The following FARP1 variants were observed in gnomAD, a reference collection of about 807,000 sequenced individuals.
FARP1 encodes FERM, ARH/RhoGEF and pleckstrin domain protein 1.
Under a neutral mutation model 128.8 loss-of-function variants are expected in FARP1, and 52 were observed. The observed-to-expected ratio is 0.40, with a 90% CI of 0.32 to 0.51. The LOEUF is 0.51. Among genes scored for constraint, FARP1 ranks in the 20% least tolerant of loss-of-function variants. The probability of loss-of-function intolerance (pLI) is 0.45; values close to 1 mark genes in which losing one functional copy is unlikely to be tolerated. For synonymous variants in FARP1, 580 were observed against 551.8 expected (o/e 1.05, Z -0.72); for missense variants, 1,333 against 1,367.9 (o/e 0.97, Z 0.40).
intron 13 of FARP1, chr13:98,397,169 G>C (rs1890581172): frequency 6.6e-6 from 1 of 152,188 alleles, no homozygotes; most frequent in South Asian, 2.1e-4. Flanking sequence ...TTGCTGGTTT[G>C]GTTTAGGTTT....
chr13:98,307,450 ATC>A (rs1473244010), intron 2 of FARP1, among the ~76,000 whole-genome samples: 1 of 151,650 alleles, frequency 6.6e-6, no homozygotes, highest in Non-Finnish European at 1.5e-5. Flanking sequence ...TGACTTGCCC[ATC>A]TCTGTCTCGT....
chr13:98,360,090 C>CTTTTT (rs55859311), intron 3 of FARP1, among the ~76,000 whole-genome samples: 44 of 104,590 alleles, frequency 4.2e-4, no homozygotes, highest in African/African-American at 9.1e-4. Context: ...GATTGTGTTG[C>CTTTTT]TTTTTTTTTT....
intron 2 of FARP1, among the ~76,000 whole-genome samples, chr13:98,291,636 T>G (rs1161613997): frequency 6.6e-6 from 1 of 152,136 alleles, no homozygotes; most frequent in Non-Finnish European, 1.5e-5. Context: ...TCTGAGCCCC[T>G]CAGCAAGATT....
At chr13:98,433,554 C>A (rs374569165) in intron 18 of FARP1, 1 of 152,228 alleles carries the variant, frequency 6.6e-6, no homozygotes, top group African/African-American at 2.4e-5. Context: ...CACAGTGAGA[C>A]CTTGTCTCTA....
At chr13:98,144,711 A>G (rs1368508589) in intron 1 of FARP1, among the ~76,000 whole-genome samples, 1 of 152,194 alleles carries the variant, frequency 6.6e-6, no homozygotes, top group Non-Finnish European at 1.5e-5. Flanking sequence ...TTTCTTATTC[A>G]GTCTGAACAA....
intron 1 of FARP1, among the ~76,000 whole-genome samples, chr13:98,185,941 G>A (rs576685560): frequency 1.3e-5 from 2 of 151,928 alleles, no homozygotes; most frequent in South Asian, 2.1e-4. Flanking sequence ...CAGGTGATCC[G>A]CCTGCCTCGG....
intron 1 of FARP1, among the ~76,000 whole-genome samples, 184 bp downstream of exon 1, chr13:98,143,676 A>C (rs936580825): frequency 1.3e-5 from 2 of 150,844 alleles, no homozygotes; most frequent in Admixed American, 1.3e-4. Context: ...GGGCCCGGGC[A>C]GCCCCGGCCA....
intron 2 of FARP1, among the ~76,000 whole-genome samples, chr13:98,302,934 T>A (rs941626817): frequency 4.0e-5 from 6 of 151,660 alleles, no homozygotes; most frequent in African/African-American, 1.5e-4. Context: ...AGGGAGGAGG[T>A]AGTGATGTGG....
intron 2 of FARP1, among the ~76,000 whole-genome samples, chr13:98,339,582 T>C (rs1887878214): frequency 6.6e-6 from 1 of 152,206 alleles, no homozygotes; most frequent in African/African-American, 2.4e-5. Context: ...ATACGGAGTT[T>C]CCTTACAACC....
chr13:98,163,482 C>T (rs1877025260), intron 1 of FARP1, among the ~76,000 whole-genome samples: 1 of 151,956 alleles, frequency 6.6e-6, no homozygotes, highest in South Asian at 2.1e-4. Flanking sequence ...AAAATTGCCC[C>T]TCCCCTTCAA....
chr13:98,172,327 G>T (rs545426029), intron 1 of FARP1, among the ~76,000 whole-genome samples: 1 of 151,916 alleles, frequency 6.6e-6, no homozygotes, highest in East Asian at 1.9e-4. Context: ...TGAAAATAGG[G>T]CGTCATGGGG....
At chr13:98,150,020 A>C (rs1481573521) in intron 1 of FARP1, among the ~76,000 whole-genome samples, 1 of 151,162 alleles carries the variant, frequency 6.6e-6, no homozygotes, top group East Asian at 1.9e-4. Flanking sequence ...TACAGTCTTG[A>C]GCCACCGCGC....
intron 2 of FARP1, among the ~76,000 whole-genome samples, chr13:98,318,632 T>C (rs1886847476): frequency 6.6e-6 from 1 of 152,208 alleles, no homozygotes; most frequent in Non-Finnish European, 1.5e-5. Flanking sequence ...TTTCCAGGGC[T>C]GCCGCACTTT....
rs761873715 is a variant in FARP1, at chr13:98,409,498, G to A, written c.1575G>A (p.Thr525=). 2.1e-5 allele frequency: 34 copies of A among 1,612,298 alleles called. No homozygotes were observed. The highest frequency in any genetic ancestry group is 1.1e-4 in the East Asian group (5 of 44,786). Residue 525 remains threonine, a synonymous_variant, in exon 14 of 27, where the codon ACG becomes ACA. Transcript: ENST00000319562. ...PLLNDQACPR[T]DDEDEGRRKR... ...TGAATGACCAGGCCTGCCCCCGGAC[G>A]GACGATGAGGATGAGGGCCGGAGGA...
At chr13:98,267,195 G>A (rs78466078) in intron 2 of FARP1, among the ~76,000 whole-genome samples, 5,435 of 152,240 alleles carry the variant, frequency 0.036, 309 homozygotes, top group African/African-American at 0.11. Flanking sequence ...CTCACACTCT[G>A]ACTTAACCCT....
At chr13:98,446,631 C>G (rs767401842) in intron 25 of FARP1, 35 bp from the exon 26 acceptor site, 3 of 1,610,114 alleles carry the variant, frequency 1.9e-6, no homozygotes, top group Non-Finnish European at 2.5e-6. Flanking sequence ...GAAGCTGACC[C>G]CGAAAAGCCA....
chr13:98,169,851 C>T (rs1877528500), intron 1 of FARP1, among the ~76,000 whole-genome samples: 1 of 151,712 alleles, frequency 6.6e-6, no homozygotes, highest in African/African-American at 2.4e-5. Context: ...GACCATTGTC[C>T]ATCAGTCTGA....
At chr13:98,200,851 GTGT>G (rs1879894401) in intron 1 of FARP1, among the ~76,000 whole-genome samples, 1 of 152,110 alleles carries the variant, frequency 6.6e-6, no homozygotes, top group Non-Finnish European at 1.5e-5. Context: ...GGCTAGAGAA[GTGT>G]TTTTTTTCTT....
Position 98,395,401 on chromosome 13 carries a change from C to T in FARP1, c.1339C>T (p.Pro447Ser). 3.1e-6 allele frequency: 5 copies of T among 1,611,442 alleles called. No individual in the cohort carries two copies. Among genetic ancestry groups the T allele is most frequent in the East Asian group, 4.5e-5 (2 of 44,818 alleles). Residue 447 changes from proline (P) to serine (S), a missense_variant, in exon 13 of 27, where the codon CCC becomes TCC. Coordinates refer to ENST00000319562, the MANE Select transcript of FARP1 (RefSeq NM_005766.4). ...NKQADGAASA[P>S]TEEEEEVVKD... ...GCAGGCGGACGGAGCCGCCTCGGCGCCCACGGAGGAAGAGGAGGAGGTCGT... is the reference window on the plus strand; with the variant it reads ...GCAGGCGGACGGAGCCGCCTCGGCGTCCACGGAGGAAGAGGAGGAGGTCGT...
Sources: gnomAD v4.1 joint callset for allele counts (sites outside exome capture counted in the v4.1 genomes callset) on GRCh38, gnomAD v4.1.1 for gene constraint, MANE v1.5 for transcripts, NCBI Gene and HGNC (gene_info 2026-07-23, HGNC 2026-07-21) for gene names.